Variants in TG observed in about 807,000 individuals in gnomAD.
TG encodes the protein thyroid hormones.
Under a neutral mutation model 324.7 loss-of-function variants are expected in TG, and 270 were observed. That is an observed-to-expected ratio of 0.83 (90% CI 0.75 to 0.92). The LOEUF is 0.92. TG is among the 40% of genes least tolerant of loss of function. The pLI is 0.00. For missense variants in TG, 3,591 were observed against 3,456.4 expected (o/e 1.04, Z -0.98); for synonymous variants, 1,401 against 1,327.0 (o/e 1.06, Z -1.21).
chr8:133,067,198 C>A (rs149568817), intron 41 of TG, among the ~76,000 whole-genome samples: 13 of 152,038 alleles, frequency 8.6e-5, no homozygotes, highest in Non-Finnish European at 1.5e-4. Flanking sequence ...TCTCTGAGTG[C>A]GAGGCTGGGG....
At chr8:133,061,159 C>T (rs776414091) in intron 41 of TG, among the ~76,000 whole-genome samples, 4 of 152,194 alleles carry the variant, frequency 2.6e-5, no homozygotes, top group Non-Finnish European at 1.5e-5. Context: ...TACAGGCACA[C>T]ATGCCACACC....
chr8:133,047,309 C>T (rs1839608541), intron 41 of TG: 1 of 153,688 alleles, frequency 6.5e-6, no homozygotes, highest in Non-Finnish European at 1.5e-5. Flanking sequence ...TCGGAGCTGT[C>T]TGATTTAGTT....
intron 41 of TG, among the ~76,000 whole-genome samples, chr8:133,092,331 A>G (rs896881172): frequency 6.6e-6 from 1 of 152,212 alleles, no homozygotes; most frequent in African/African-American, 2.4e-5. Flanking sequence ...GTGGTCAGCA[A>G]TTGTGGTTTT....
intron 41 of TG, among the ~76,000 whole-genome samples, chr8:133,054,800 A>G (rs1841059923): frequency 6.6e-6 from 1 of 152,236 alleles, no homozygotes; most frequent in Non-Finnish European, 1.5e-5. Flanking sequence ...AAACGAATCC[A>G]CAAAGGGGAG....
intron 41 of TG, among the ~76,000 whole-genome samples, chr8:133,054,230 CAGAGA>C (rs1406462671): frequency 6.6e-6 from 1 of 151,896 alleles, no homozygotes; most frequent in Non-Finnish European, 1.5e-5. Context: ...ATGAGTGAGG[CAGAGA>C]AGAGGAGAGT....
At chr8:132,922,136 C>T (rs73708402) in intron 21 of TG, among the ~76,000 whole-genome samples, 1,726 of 152,196 alleles carry the variant, frequency 0.011, 34 homozygotes, top group African/African-American at 0.039. Flanking sequence ...AGAAAAGAAA[C>T]GTGTGAGCAT....
In TG at chr8:133,050,422, G is replaced by A. The variant is rs1840181445; in HGVS notation, c.7239+20399G>A. 2.0e-5 allele frequency: 5 copies of A among 253,098 alleles called. No individual in the cohort carries two copies. In the South Asian group the frequency reaches 2.4e-4, roughly 12 times the overall value. The allele number at this position is 253,098 out of a possible 1,614,324, so 15.7% of individuals were successfully genotyped here. A position where few individuals can be genotyped will look rare whatever the true frequency, so the allele number is the denominator to read the frequency against. On this transcript the variant is annotated intron_variant, in intron 41 of 47. Transcript: ENST00000220616. ...GCCCATATTGAATCAGACTGCAGAG[G>A]TAAGAGGAGAGAAGGCAAATTTTTG...
At chr8:133,095,378 C>T (rs913891656) in intron 42 of TG, among the ~76,000 whole-genome samples, 170 bp downstream of exon 42, 1 of 152,160 alleles carries the variant, frequency 6.6e-6, no homozygotes, top group Non-Finnish European at 1.5e-5. Context: ...GCATGCGCCA[C>T]AGCCTGCAAC....
chr8:132,967,820 C>T lies in TG; in HGVS notation c.5713C>T (p.Gln1905Ter), dbSNP rs1335946117. ...SRCVQEHSFC[Q>*]LAEITESASL... ...TTGTGTGCAGGAGCACTCTTTCTGT[C>T]AGCTCGCAGAGATAACAGAGAGTGC... Residue 1905 changes from glutamine (Q) to a stop codon, truncating the protein, a stop_gained, in exon 31 of 48, where the codon CAG (glutamine) becomes TAG (stop). Transcript: ENST00000220616. LOFTEE classifies it high-confidence loss of function. The T allele has an allele frequency of 1.9e-6, 3 of 1,613,778 alleles. No individual in the cohort carries two copies. The highest frequency in any genetic ancestry group is 4.5e-5 in the East Asian group (2 of 44,866).
chr8:133,073,674 A>ATGCTGT (rs1844421911), intron 41 of TG, among the ~76,000 whole-genome samples: 3 of 152,182 alleles, frequency 2.0e-5, no homozygotes, highest in Non-Finnish European at 4.4e-5. Flanking sequence ...ATAGCAAACC[A>ATGCTGT]CACAATGACA....
In TG at chr8:132,869,751, G is replaced by A. The variant is rs116340633; in HGVS notation, c.199G>A (p.Gly67Ser). The change falls in exon 3 of 48, where the codon GGC becomes AGC. Residue 67 changes from glycine to serine, a missense_variant. Coordinates refer to ENST00000220616, the MANE Select transcript of TG (RefSeq NM_003235.5). ...CAGGACTGTCCAGTGCCAGAACGAC[G>A]GCCGCTCCTGCTGGTGTGTGGGTGC... Reference protein sequence around the residue: ...SFQTVQCQNDGRSCWCVGANG... With the variant: ...SFQTVQCQNDSRSCWCVGANG... 14,190 of 1,614,130 alleles carry A rather than the reference G, an allele frequency of 8.8e-3. 79 individuals carry two copies. Among genetic ancestry groups the A allele is most frequent in the Non-Finnish European group, 9.8e-3 (11,579 of 1,180,022 alleles).
chr8:133,015,162 A>G (rs1306579370), intron 37 of TG, among the ~76,000 whole-genome samples: 2 of 152,314 alleles, frequency 1.3e-5, no homozygotes, highest in African/African-American at 4.8e-5. Context: ...TTTTAATAGT[A>G]TATTTCACAA....
chr8:133,080,587 A>C (rs4336595), intron 41 of TG, among the ~76,000 whole-genome samples: 39,005 of 152,004 alleles, frequency 0.26, 5,307 homozygotes, highest in African/African-American at 0.31. Flanking sequence ...CAAACTCAGG[A>C]CCATCTTCAT....
At chr8:133,086,997 A>G (rs1052510727) in intron 41 of TG, among the ~76,000 whole-genome samples, 1 of 152,140 alleles carries the variant, frequency 6.6e-6, no homozygotes, top group Non-Finnish European at 1.5e-5. Context: ...ACAGAATGAT[A>G]TCGACAATGG....
chr8:132,879,519 A>G (rs1226321482), intron 5 of TG, among the ~76,000 whole-genome samples: 1 of 152,244 alleles, frequency 6.6e-6, no homozygotes, highest in East Asian at 1.9e-4. Flanking sequence ...ACTTGTGATT[A>G]TTTTATGAAT....
chr8:132,982,479 A>T (rs1831002842), intron 34 of TG, among the ~76,000 whole-genome samples: 1 of 152,218 alleles, frequency 6.6e-6, no homozygotes, highest in Non-Finnish European at 1.5e-5. Flanking sequence ...TCTTCATTTA[A>T]TGTTTACATC....
In TG at chr8:133,077,039, C is replaced by T. The variant is rs2739160; in HGVS notation, c.7240-18005C>T. Among the ~76,000 whole-genome samples, 409 of 152,228 alleles carry T rather than the reference C, an allele frequency of 2.7e-3. 3 individuals carry two copies. In the South Asian group the frequency reaches 0.041, roughly 15 times the overall value. ...AATGGGTTGATGGGACCGAGGGGCGCAGATGTGCTACTTTGCACAGGTGGC... is the reference window on the plus strand; with the variant it reads ...AATGGGTTGATGGGACCGAGGGGCGTAGATGTGCTACTTTGCACAGGTGGC... On this transcript the variant is annotated intron_variant, in intron 41 of 47. Coordinates refer to ENST00000220616, the MANE Select transcript of TG (RefSeq NM_003235.5).
Position 132,881,869 on chromosome 8 carries a change from A to G in TG, c.645A>G (p.Pro215=), listed in dbSNP as rs1198506129. The change falls in exon 6 of 48, where the codon CCA becomes CCG. Residue 215 remains proline, a synonymous_variant. Transcript: ENST00000220616. ...FDLVHSYNRF[P]DAFVTFSSFQ... ...AAATCTCATTCTCTCCAAGGTTTCC[A>G]GATGCATTTGTGACCTTCAGTTCCT... 3 of 1,611,338 alleles carry G rather than the reference A, an allele frequency of 1.9e-6. No homozygotes were observed. In the South Asian group the frequency reaches 3.3e-5, roughly 18 times the overall value.
intron 16 of TG, among the ~76,000 whole-genome samples, chr8:132,902,029 G>A (rs1818000316): frequency 6.6e-6 from 1 of 152,056 alleles, no homozygotes; most frequent in Admixed American, 6.5e-5. Context: ...GAACTATATT[G>A]TTAAATATTA....
Sources: allele counts gnomAD v4.1 joint callset (sites outside exome capture counted in the v4.1 genomes callset), GRCh38; gene constraint gnomAD v4.1.1; transcripts MANE v1.5; gene names NCBI Gene and HGNC (gene_info 2026-07-23, HGNC 2026-07-21).